Variants in ATG5 observed in about 807,000 individuals in gnomAD.
The protein encoded by ATG5 is autophagy protein 5.
A neutral mutation model predicts 36.5 loss-of-function variants in ATG5; 14 were observed. That is an observed-to-expected ratio of 0.38 (90% confidence interval 0.25 to 0.60). The LOEUF (loss-of-function observed/expected upper bound fraction) is 0.60, where lower values mean the gene tolerates loss of function less well. Ranked by LOEUF, ATG5 falls within the 20% of genes least tolerant of loss-of-function variation. The pLI, the probability that ATG5 is intolerant of heterozygous loss-of-function variation, is 0.60. For synonymous variants in ATG5, 95 were observed against 101.5 expected (o/e 0.94, Z 0.38); for missense variants, 195 against 326.7 (o/e 0.60, Z 3.11).
intron 5 of ATG5, among the ~76,000 whole-genome samples, chr6:106,250,545 T>C (rs2038345321): frequency 6.6e-6 from 1 of 152,230 alleles, no homozygotes. Context: ...ATGTGAAGAA[T>C]ACTACTTTGA....
At chr6:106,284,175 T>C (rs1013189984) in intron 4 of ATG5, among the ~76,000 whole-genome samples, 3 of 152,242 alleles carry the variant, frequency 2.0e-5, no homozygotes, top group East Asian at 3.8e-4. Context: ...CAGAATTACA[T>C]ATTCAGTTCT....
At chr6:106,250,894 T>C (rs1778547596) in intron 5 of ATG5, among the ~76,000 whole-genome samples, 1 of 152,248 alleles carries the variant, frequency 6.6e-6, no homozygotes, top group South Asian at 2.1e-4. Flanking sequence ...ACAAATCCTT[T>C]AAGCATCTCT....
intron 2 of ATG5, among the ~76,000 whole-genome samples, chr6:106,312,722 A>G (rs671116): frequency 0.41 from 61,622 of 151,810 alleles, 12,767 homozygotes; most frequent in Admixed American, 0.51. Flanking sequence ...TAACAGGACA[A>G]TGCCACAAGA....
intron 2 of ATG5, among the ~76,000 whole-genome samples, chr6:106,311,169 T>C (rs1219965185): frequency 6.6e-6 from 1 of 152,096 alleles, no homozygotes; most frequent in Admixed American, 6.5e-5. Flanking sequence ...AGAATTCTGT[T>C]CCACTCCAAT....
chr6:106,198,670 G>A (rs1287222725), intron 7 of ATG5, among the ~76,000 whole-genome samples: 3 of 152,044 alleles, frequency 2.0e-5, no homozygotes, highest in Non-Finnish European at 4.4e-5. Flanking sequence ...CCAGCTACTA[G>A]GGAGGCTGAG....
chr6:106,256,482 A>G (rs1374765463), intron 5 of ATG5, among the ~76,000 whole-genome samples: 1 of 152,212 alleles, frequency 6.6e-6, no homozygotes, highest in Non-Finnish European at 1.5e-5. Flanking sequence ...CAGCGTTAAC[A>G]ACCTCCAGAT....
chr6:106,309,329 T>C (rs1770561860), intron 2 of ATG5, among the ~76,000 whole-genome samples: 1 of 152,158 alleles, frequency 6.6e-6, no homozygotes, highest in South Asian at 2.1e-4. Flanking sequence ...GAAAGAGATA[T>C]TCTGGTTGAA....
chr6:106,227,773 C>T (rs1205636853), intron 6 of ATG5, among the ~76,000 whole-genome samples: 1 of 152,186 alleles, frequency 6.6e-6, no homozygotes, highest in East Asian at 1.9e-4. Context: ...TGTAACTGTT[C>T]TTGCACTGTT....
At chr6:106,192,904 T>A (rs1054451632) in intron 7 of ATG5, among the ~76,000 whole-genome samples, 2 of 152,178 alleles carry the variant, frequency 1.3e-5, no homozygotes, top group Non-Finnish European at 1.5e-5. Flanking sequence ...TCCATCGACA[T>A]GAAAAACCAC....
intron 4 of ATG5, chr6:106,283,838 T>C (rs1206949920): frequency 2.0e-5 from 3 of 152,274 alleles, no homozygotes; most frequent in East Asian, 3.8e-4. Context: ...TTATTTCTTA[T>C]GTCGGTTTTG....
chr6:106,245,423 A>G (rs925770451), intron 6 of ATG5, among the ~76,000 whole-genome samples: 4 of 152,230 alleles, frequency 2.6e-5, no homozygotes, highest in Non-Finnish European at 5.9e-5. Context: ...GATTACAAAC[A>G]AAAGTCATAG....
chr6:106,265,620 G>C (rs1779197184), intron 5 of ATG5, among the ~76,000 whole-genome samples: 1 of 152,100 alleles, frequency 6.6e-6, no homozygotes, highest in East Asian at 1.9e-4. Flanking sequence ...ACACTCCTCT[G>C]CAAGTGCAAA....
At chr6:106,292,496 T>C (rs1223237156) in intron 4 of ATG5, among the ~76,000 whole-genome samples, 1 of 152,216 alleles carries the variant, frequency 6.6e-6, no homozygotes, top group African/African-American at 2.4e-5. Context: ...TGGAATTCTA[T>C]CTCCTAACCC....
intron 1 of ATG5, among the ~76,000 whole-genome samples, 171 bp from the exon 2 acceptor site, chr6:106,316,437 T>A (rs1325964623): frequency 2.6e-5 from 4 of 151,886 alleles, no homozygotes; most frequent in Non-Finnish European, 5.9e-5. Context: ...TACAACAAAT[T>A]CTAAATGTAA....
At chr6:106,220,795 A>G (rs184809705) in intron 6 of ATG5, among the ~76,000 whole-genome samples, 20 of 152,294 alleles carry the variant, frequency 1.3e-4, no homozygotes, top group African/African-American at 4.1e-4. Context: ...AGTTTTCACT[A>G]TGGAAATAGG....
At chr6:106,231,625 T>C (rs1041141892) in intron 6 of ATG5, among the ~76,000 whole-genome samples, 4 of 152,194 alleles carry the variant, frequency 2.6e-5, no homozygotes, top group Non-Finnish European at 5.9e-5. Context: ...AACGGAGGCA[T>C]TGAGGAAGCA....
In ATG5 at chr6:106,277,830, A is replaced by C. The variant is rs112122745; in HGVS notation, c.478+1831T>G. ...CTTCGTCTCAACAAAACAAAACAAA[A>C]CACCACAATAAATGTATACTGAACA... On this transcript the variant is annotated intron_variant, in intron 5 of 7. Transcript: ENST00000369076. 6.5e-3 allele frequency among the ~76,000 whole-genome samples: 983 copies of C among 152,326 alleles called. 10 individuals carry two copies. Among genetic ancestry groups the C allele is most frequent in the Admixed American group, 0.02 (302 of 15,294 alleles).
At chr6:106,252,096 C>A (rs1471299112) in intron 5 of ATG5, among the ~76,000 whole-genome samples, 1 of 152,168 alleles carries the variant, frequency 6.6e-6, no homozygotes, top group Non-Finnish European at 1.5e-5. Context: ...CTGCCTTGGC[C>A]TCCCAAAGTG....
At chr6:106,303,548 T>C (rs1298613800) in intron 3 of ATG5, among the ~76,000 whole-genome samples, 1 of 152,072 alleles carries the variant, frequency 6.6e-6, no homozygotes, top group Non-Finnish European at 1.5e-5. Context: ...CAGAACACTT[T>C]CGAACTCAGT....
Sources: allele counts gnomAD v4.1 joint callset (sites outside exome capture counted in the v4.1 genomes callset), GRCh38; gene constraint gnomAD v4.1.1; transcripts MANE v1.5; gene names NCBI Gene and HGNC (gene_info 2026-07-23, HGNC 2026-07-21).